TSEN2: variants seen among roughly 807,000 people sequenced by gnomAD.
The protein encoded by TSEN2 is tRNA splicing endonuclease subunit 2.
Under a neutral mutation model 59.2 loss-of-function variants are expected in TSEN2, and 54 were observed. That is an observed-to-expected ratio of 0.91 (90% confidence interval 0.73 to 1.14). The LOEUF is 1.14. TSEN2 is among the 50% of genes most tolerant of loss of function. The pLI, the probability that TSEN2 is intolerant of heterozygous loss-of-function variation, is 0.00. For missense variants in TSEN2, 636 were observed against 576.2 expected (o/e 1.10, Z -1.06); for synonymous variants, 195 against 198.2 (o/e 0.98, Z 0.14).
At chr3:12,528,836 T>A in intron 8 of TSEN2, 52 bp from the exon 9 acceptor site, 1 of 1,597,040 alleles carries the variant, frequency 6.3e-7, no homozygotes, top group Non-Finnish European at 8.6e-7. Context: ...GTCTTACTCC[T>A]CTCTCATTAT....
rs537245968 is a variant in TSEN2, at chr3:12,520,905, A to G, written c.1099+1708A>G. On this transcript the variant is annotated intron_variant, in intron 8 of 11. Transcript: ENST00000284995. ...CACCCAGGTACTAGGCCTAGTACCC[A>G]GTAGTTATCTTTTCTGCTCCTCTCC... Among the ~76,000 whole-genome samples, 61 of 152,252 alleles carry G rather than the reference A, an allele frequency of 4.0e-4. 1 individual carries two copies. Among genetic ancestry groups the G allele is most frequent in the African/African-American group, 8.2e-4 (34 of 41,534 alleles).
chr3:12,480,528 G>GGTTTTTTTTTTTTTTTTTTTTTTTTTTTT (rs1553565213), upstream of TSEN2, among the ~76,000 whole-genome samples: 6 of 91,738 alleles, frequency 6.5e-5, no homozygotes, highest in Admixed American at 3.9e-4. Context: ...TTGTTTCTTT[G>GGTTTTTTTTTTTTTTTTTTTTTTTTTTTT]TTTTTTTTTT....
At chr3:12,537,450 T>A (rs1326132104), downstream of TSEN2, among the ~76,000 whole-genome samples, 1 of 152,168 alleles carries the variant, frequency 6.6e-6, no homozygotes, top group Non-Finnish European at 1.5e-5. Context: ...TAAGGGAAAT[T>A]AGCATGAAAT....
chr3:12,486,372 A>G (rs1315626014), intron 1 of TSEN2, among the ~76,000 whole-genome samples: 1 of 152,216 alleles, frequency 6.6e-6, no homozygotes, highest in Non-Finnish European at 1.5e-5. Flanking sequence ...GGACTCTTCC[A>G]TGAAACTAGA....
At chr3:12,505,028 A>G in intron 5 of TSEN2, 126 bp from the exon 6 acceptor site, 1 of 705,998 alleles carries the variant, frequency 1.4e-6, no homozygotes, top group East Asian at 2.8e-5. Context: ...ATCATTCTTT[A>G]TAATATTAAC....
rs150733742 is a variant in TSEN2, at chr3:12,506,344, C to G, written c.909+1113C>G. Among the ~76,000 whole-genome samples, 499 of 152,256 alleles carry G rather than the reference C, an allele frequency of 3.3e-3. 10 individuals carry two copies. The East Asian group carries it at 0.058, about 18-fold the overall frequency. ...GTGCCATGGCTCACACCTGTAATCC[C>G]AGCACTCTGGGAGGCCAAGGCAGGC... On this transcript the variant is annotated intron_variant, in intron 6 of 11. Transcript: ENST00000284995.
rs376667792 is a variant in TSEN2 at position 12,516,437 on chromosome 3, AC to A, written c.910-173del. 0.093 allele frequency among the ~76,000 whole-genome samples: 11,775 copies of A among 126,894 alleles called. 590 individuals carry two copies. The highest frequency in any genetic ancestry group is 0.13 in the Middle Eastern group (34 of 256). 83.2% of individuals were successfully genotyped at this position (126,894 alleles called of 152,430 possible). A position where few individuals can be genotyped will look rare whatever the true frequency, so the allele number is the denominator to read the frequency against. On this transcript the variant is annotated intron_variant, in intron 6 of 11. Transcript: ENST00000284995. ...GAGACTCCGTTTCAAAAACAAACAA[AC>A]AAAATATATGTGTGTGTGTGTGTGT...
rs527487326 is a variant in TSEN2, at chr3:12,519,824, T to A, written c.1099+627T>A. 1.0e-3 allele frequency among the ~76,000 whole-genome samples: 151 copies of A among 151,180 alleles called. 1 individual carries two copies. The highest frequency in any genetic ancestry group is 3.6e-3 in the African/African-American group (149 of 41,094). Reference sequence around the variant, plus strand: ...CATGAGATCGGGTAATTTGGGAGAGTCCCTTATCCCCGGGCCTCAGTGGCC... The same window carrying A: ...CATGAGATCGGGTAATTTGGGAGAGACCCTTATCCCCGGGCCTCAGTGGCC... On this transcript the variant is annotated intron_variant, in intron 8 of 11. Transcript: ENST00000284995.
chr3:12,539,039 C>T, intron 10 of TSEN2: 1 of 387,286 alleles, frequency 2.6e-6, no homozygotes, highest in Non-Finnish European at 4.9e-6. Flanking sequence ...CAGAAGAGCT[C>T]CTTTAAAAGG....
At chr3:12,497,086 C>T (rs2053826931) in intron 4 of TSEN2, among the ~76,000 whole-genome samples, 1 of 152,226 alleles carries the variant, frequency 6.6e-6, no homozygotes. Context: ...CCACCGTCCC[C>T]TCCTCTGTCT....
In TSEN2 at chr3:12,519,168, A is replaced by G. The variant is rs773157059; in HGVS notation, c.1070A>G (p.Lys357Arg). The change falls in exon 8 of 12, where the codon AAA (lysine) becomes AGA (arginine). Residue 357 changes from lysine (K) to arginine (R), a missense_variant. By Grantham distance (26) the Lys-to-Arg change is conservative (BLOSUM62 2). Transcript: ENST00000284995. ...HYFRSKGWVPKVGLKYGTDLL... is the reference protein window; with the variant it reads ...HYFRSKGWVPRVGLKYGTDLL... ...TTTCGAAGCAAGGGCTGGGTGCCCA[A>G]AGTGGGACTCAAGTACGGGACAGAT... 4 of 1,614,248 alleles carry G rather than the reference A, an allele frequency of 2.5e-6. No homozygotes were observed. The South Asian group carries it at 4.4e-5, about 18-fold the overall frequency.
At chr3:12,490,785 G>A (rs992339768) in intron 2 of TSEN2, among the ~76,000 whole-genome samples, 4 of 152,116 alleles carry the variant, frequency 2.6e-5, no homozygotes, top group Non-Finnish European at 5.9e-5. Flanking sequence ...AGGCAGCCAC[G>A]GAATGGCGTC....
upstream of TSEN2, among the ~76,000 whole-genome samples, chr3:12,482,616 G>A (rs993176687): frequency 6.6e-6 from 1 of 151,358 alleles, no homozygotes; most frequent in Admixed American, 6.6e-5. Flanking sequence ...CCCATTATCA[G>A]CAAACCCCAA....
intron 6 of TSEN2, among the ~76,000 whole-genome samples, chr3:12,512,998 A>AG (rs35216198): frequency 6.6e-6 from 1 of 152,212 alleles, no homozygotes; most frequent in South Asian, 2.1e-4. Context: ...ATGAGATTGC[A>AG]GGGGATGTGA....
chr3:12,536,114 G>A (rs912304281), downstream of TSEN2, among the ~76,000 whole-genome samples: 2 of 152,180 alleles, frequency 1.3e-5, no homozygotes, highest in African/African-American at 4.8e-5. Context: ...TGCCCTGGTA[G>A]GTGAGTCAGT....
intron 10 of TSEN2, chr3:12,538,835 G>C (rs2057742224): frequency 5.6e-6 from 1 of 177,564 alleles, no homozygotes; most frequent in Non-Finnish European, 1.2e-5. Context: ...CTCCTGTGAA[G>C]GTGTCAGAGA....
intron 8 of TSEN2, among the ~76,000 whole-genome samples, chr3:12,523,603 G>A (rs1180147490): frequency 2.9e-5 from 4 of 136,270 alleles, no homozygotes; most frequent in Non-Finnish European, 6.1e-5. Context: ...GCACGATCTC[G>A]ATCTCGGCTC....
intron 4 of TSEN2, among the ~76,000 whole-genome samples, chr3:12,498,006 T>G (rs767283739): frequency 9.2e-5 from 14 of 152,054 alleles, no homozygotes; most frequent in Admixed American, 2.6e-4. Flanking sequence ...CTCTAATCTC[T>G]GCCTCTGTGG....
Position 12,516,595 on chromosome 3 carries a change from C to A in TSEN2, c.910-16C>A. The A allele has an allele frequency of 7.4e-6, 12 of 1,612,656 alleles. No homozygotes were observed. The highest frequency in any genetic ancestry group is 1.0e-5 in the Non-Finnish European group (12 of 1,179,288). ...AACTATTTGTAATGAGCATTTTCTG[C>A]TTGCTGTATTTTCAGGCCTTTTTCT... On this transcript the variant is annotated splice_polypyrimidine_tract_variant and intron_variant, in intron 6 of 11. Transcript: ENST00000284995.
Sources: allele counts gnomAD v4.1 joint callset (sites outside exome capture counted in the v4.1 genomes callset), GRCh38; gene constraint gnomAD v4.1.1; transcripts MANE v1.5; gene names NCBI Gene and HGNC (gene_info 2026-07-23, HGNC 2026-07-21).